The following LOC128125817 variants were observed in gnomAD, a reference collection of about 807,000 sequenced individuals.
chr1:41,605,044 G>T, the LOC128125817 span, among the ~76,000 whole-genome samples: 1 of 150,180 alleles, frequency 6.7e-6, no homozygotes. Flanking sequence ...GGTAGAGGCT[G>T]TAGTGAGCTG....
chr1:41,603,884 C>A, the LOC128125817 span, among the ~76,000 whole-genome samples: 69 of 152,174 alleles, frequency 4.5e-4, 1 homozygote, highest in Admixed American at 4.5e-3. Context: ...CTCTGTTGAT[C>A]TTCTGTGTTG....
At chr1:41,598,119 G>C in the LOC128125817 span, among the ~76,000 whole-genome samples, 1 of 152,156 alleles carries the variant, frequency 6.6e-6, no homozygotes, top group African/African-American at 2.4e-5. Context: ...AGAGCTTAGG[G>C]AAGAACAAAG....
chr1:41,616,730 G>C, the LOC128125817 span, among the ~76,000 whole-genome samples: 3 of 149,948 alleles, frequency 2.0e-5, no homozygotes, highest in African/African-American at 7.4e-5. Flanking sequence ...TCAGATTACA[G>C]GCTTGTGCTA....
chr1:41,601,609 T>G, the LOC128125817 span, among the ~76,000 whole-genome samples: 47 of 152,330 alleles, frequency 3.1e-4, no homozygotes, highest in African/African-American at 1.1e-3. Context: ...TCCTGCAACT[T>G]TACTAAATTT....
chr1:41,597,208 T>G, the LOC128125817 span, among the ~76,000 whole-genome samples: 1 of 152,302 alleles, frequency 6.6e-6, no homozygotes, highest in East Asian at 1.9e-4. Context: ...GGTATTTGTC[T>G]TCCTGTTAGA....
chr1:41,607,593 C>CT, the LOC128125817 span, among the ~76,000 whole-genome samples: 86 of 148,946 alleles, frequency 5.8e-4, no homozygotes, highest in African/African-American at 1.1e-3. Context: ...TAAGCTCTTC[C>CT]TTTTTTTTTT....
the LOC128125817 span, among the ~76,000 whole-genome samples, chr1:41,587,917 C>T: frequency 2.6e-5 from 4 of 152,286 alleles, no homozygotes; most frequent in African/African-American, 9.6e-5. Flanking sequence ...CAGGGGACAT[C>T]GCTGTATCCA....
chr1:41,606,147 A>C, the LOC128125817 span, among the ~76,000 whole-genome samples: 19 of 150,668 alleles, frequency 1.3e-4, no homozygotes, highest in African/African-American at 4.7e-4. Flanking sequence ...TTCGCATTCA[A>C]CCTCTCTCTC....
the LOC128125817 span, among the ~76,000 whole-genome samples, chr1:41,622,617 C>T: frequency 2.0e-5 from 3 of 152,248 alleles, no homozygotes; most frequent in Non-Finnish European, 2.9e-5. Context: ...CCCGGCAAAG[C>T]TTCAAATACT....
the LOC128125817 span, among the ~76,000 whole-genome samples, chr1:41,591,523 C>G: frequency 6.6e-6 from 1 of 151,988 alleles, no homozygotes; most frequent in South Asian, 2.1e-4. Context: ...CAACCCAGGG[C>G]ACAAGCTAGA....
the LOC128125817 span, among the ~76,000 whole-genome samples, chr1:41,620,869 C>T: frequency 6.6e-6 from 1 of 152,214 alleles, no homozygotes; most frequent in Non-Finnish European, 1.5e-5. Flanking sequence ...CACTACTGTG[C>T]ACCAGGCAGT....
At chr1:41,598,310 C>T in the LOC128125817 span, among the ~76,000 whole-genome samples, 7 of 152,336 alleles carry the variant, frequency 4.6e-5, no homozygotes, top group Admixed American at 3.9e-4. Context: ...TTTCTATACA[C>T]GTGACTGTGG....
chr1:41,606,693 T>C, the LOC128125817 span, among the ~76,000 whole-genome samples: 2 of 151,920 alleles, frequency 1.3e-5, no homozygotes, highest in African/African-American at 4.9e-5. Flanking sequence ...TATAGGTGAC[T>C]GAGTGACAAA....
the LOC128125817 span, among the ~76,000 whole-genome samples, chr1:41,601,161 T>C: frequency 5.5e-4 from 83 of 152,254 alleles, no homozygotes; most frequent in African/African-American, 1.9e-3. Context: ...GTGTAATTTT[T>C]TATGCTTTGA....
chr1:41,607,518 C>A, the LOC128125817 span, among the ~76,000 whole-genome samples: 1 of 151,744 alleles, frequency 6.6e-6, no homozygotes, highest in Non-Finnish European at 1.5e-5. Flanking sequence ...CTCTTACTTA[C>A]TGTTAAGGAT....
chr1:41,626,113 T>C, the LOC128125817 span, among the ~76,000 whole-genome samples: 5 of 152,214 alleles, frequency 3.3e-5, no homozygotes, highest in Non-Finnish European at 7.3e-5. Context: ...TGTGACTCCA[T>C]GTTTCCCTGC....
the LOC128125817 span, among the ~76,000 whole-genome samples, chr1:41,619,252 C>T: frequency 6.6e-6 from 1 of 152,232 alleles, no homozygotes; most frequent in Admixed American, 6.5e-5. Flanking sequence ...TCGCCTCCCT[C>T]AGGTCTTTAC....
At chr1:41,595,867 A>G in the LOC128125817 span, among the ~76,000 whole-genome samples, 1 of 152,194 alleles carries the variant, frequency 6.6e-6, no homozygotes, top group Non-Finnish European at 1.5e-5. Flanking sequence ...TTTGGGACTC[A>G]GACTGGCTTC....
At chr1:41,620,842 A>T in the LOC128125817 span, among the ~76,000 whole-genome samples, 1 of 152,190 alleles carries the variant, frequency 6.6e-6, no homozygotes, top group South Asian at 2.1e-4. Flanking sequence ...TGATTGGTTC[A>T]ACAATTACTG....
Sources: gnomAD v4.1 joint callset for allele counts (sites outside exome capture counted in the v4.1 genomes callset) on GRCh38, gnomAD v4.1.1 for gene constraint, MANE v1.5 for transcripts.